Variants in ZFR observed in about 807,000 individuals in gnomAD.
The protein encoded by ZFR is zinc finger RNA binding protein.
In ZFR, 19 loss-of-function variants were observed where a neutral mutation model predicts 130.7. The ratio of observed to expected loss-of-function variants is 0.15; its 90% CI spans 0.10 to 0.21. The LOEUF (loss-of-function observed/expected upper bound fraction) is 0.21. Among genes scored for constraint, ZFR ranks in the 10% least tolerant of loss-of-function variants. The pLI, the probability that ZFR is intolerant of heterozygous loss-of-function variation, is 1.00. For synonymous variants in ZFR, 466 were observed against 456.9 expected, an observed-to-expected ratio of 1.02 and a Z score of -0.25; for missense variants, 872 against 1,321.5, an observed-to-expected ratio of 0.66 and a Z score of 5.27.
At position 32,397,348 on chromosome 5, in the gene ZFR, G is replaced by GA; in HGVS notation, c.1714-11dup. On this transcript the variant is annotated splice_polypyrimidine_tract_variant and intron_variant, in intron 9 of 19. Transcript: ENST00000265069. Reference sequence around the variant, plus strand: ...CTTCATCATTTCGTACCTTGGTGTGGAAAAAAAATTCAAGAATCATCATAG... The same window carrying GA: ...CTTCATCATTTCGTACCTTGGTGTGGAAAAAAAAATTCAAGAATCATCATAG... 5 of 1,599,228 alleles carry GA rather than the reference G, an allele frequency of 3.1e-6. No individual in the cohort carries two copies. The highest frequency in any genetic ancestry group is 3.6e-5 in the Admixed American group (2 of 56,196).
chr5:32,428,520 T>C (rs1754125947), intron 2 of ZFR, among the ~76,000 whole-genome samples: 1 of 152,204 alleles, frequency 6.6e-6, no homozygotes, highest in Admixed American at 6.5e-5. Flanking sequence ...GAGACTTCAG[T>C]GAGCTGTGAC....
chr5:32,383,360 G>A (rs1375835160), intron 15 of ZFR, among the ~76,000 whole-genome samples: 2 of 152,120 alleles, frequency 1.3e-5, no homozygotes, highest in South Asian at 2.1e-4. Context: ...GGCCTGATAA[G>A]CTACAGGTGG....
intron 7 of ZFR, 22 bp downstream of exon 7, chr5:32,403,884 T>G (rs760668721): frequency 1.9e-6 from 3 of 1,554,708 alleles, no homozygotes; most frequent in South Asian, 2.5e-5. Flanking sequence ...GGCATAAGGG[T>G]GTGTGGGAAA....
intron 5 of ZFR, among the ~76,000 whole-genome samples, chr5:32,414,124 C>T (rs1212130896): frequency 2.0e-5 from 3 of 152,198 alleles, no homozygotes; most frequent in African/African-American, 4.8e-5. Flanking sequence ...CATACTCTGG[C>T]ACTTCTAGCC....
intron 15 of ZFR, among the ~76,000 whole-genome samples, chr5:32,384,544 T>C (rs1394986447): frequency 6.6e-6 from 1 of 152,206 alleles, no homozygotes; most frequent in Non-Finnish European, 1.5e-5. Flanking sequence ...TGCTATTTTA[T>C]ACAAATGAAT....
intron 4 of ZFR, among the ~76,000 whole-genome samples, chr5:32,415,515 T>TGTGTGTGTGTGTGTGTGCGCGC (rs1326041688): frequency 1.0e-5 from 1 of 97,936 alleles, no homozygotes; most frequent in African/African-American, 5.1e-5. Flanking sequence ...TGTGTGTGTG[T>TGTGTGTGTGTGTGTGTGCGCGC]GCGCGCGCGC....
At chr5:32,360,435 T>C (rs1752407360) in intron 19 of ZFR, among the ~76,000 whole-genome samples, 1 of 152,198 alleles carries the variant, frequency 6.6e-6, no homozygotes. Flanking sequence ...ATTATGAATA[T>C]TTCATATAAA....
intron 4 of ZFR, among the ~76,000 whole-genome samples, chr5:32,416,018 T>C (rs978039527): frequency 2.0e-5 from 3 of 152,018 alleles, no homozygotes; most frequent in Non-Finnish European, 2.9e-5. Context: ...CAGGCTGAAG[T>C]ATGATGGTGT....
intron 2 of ZFR, among the ~76,000 whole-genome samples, chr5:32,440,932 T>C (rs1754457664): frequency 6.6e-6 from 1 of 152,196 alleles, no homozygotes; most frequent in African/African-American, 2.4e-5. Context: ...TAATCAAATA[T>C]CTTACAGAAC....
At chr5:32,372,947 TTAATA>T (rs1401034041) in intron 17 of ZFR, among the ~76,000 whole-genome samples, 17 of 152,342 alleles carry the variant, frequency 1.1e-4, no homozygotes, top group African/African-American at 4.1e-4. Flanking sequence ...ATAACCATAG[TTAATA>T]AAAATTGAAC....
chr5:32,436,774 C>G (rs1581719285), intron 2 of ZFR, among the ~76,000 whole-genome samples: 1 of 152,128 alleles, frequency 6.6e-6, no homozygotes, highest in Admixed American at 6.5e-5. Context: ...GCCAGGTCCA[C>G]CTTACAAATA....
chr5:32,354,783 A>C lies in ZFR; in HGVS notation c.*977T>G, dbSNP rs1386475833. On this transcript the variant is annotated 3_prime_UTR_variant, in exon 20 of 20. Transcript: ENST00000265069. The stretch of plus-strand genomic sequence containing the variant: ...CACACACCAATAAGGAACTGTCACC[A>C]TAATTAAGGGCTAGTTACTGTTGTT... 4 of 152,636 alleles carry C rather than the reference A, an allele frequency of 2.6e-5. No individual in the cohort carries two copies. Among genetic ancestry groups the C allele is most frequent in the Admixed American group, 6.5e-5 (1 of 15,282 alleles). The allele number at this position is 152,636 out of a possible 1,614,324, so 9.5% of individuals were successfully genotyped here.
chr5:32,380,331 C>G, intron 15 of ZFR, 159 bp from the exon 16 acceptor site: 1 of 501,454 alleles, frequency 2.0e-6, no homozygotes, highest in Non-Finnish European at 3.6e-6. Flanking sequence ...TTTACATAAT[C>G]CAATATGAGG....
At chr5:32,438,344 A>G (rs1438417957) in intron 2 of ZFR, among the ~76,000 whole-genome samples, 2 of 142,802 alleles carry the variant, frequency 1.4e-5, no homozygotes, top group Non-Finnish European at 3.0e-5. Context: ...GCTCACCGCA[A>G]CCTCCACCTC....
chr5:32,412,361 A>G (rs780184946), intron 5 of ZFR, among the ~76,000 whole-genome samples: 1 of 152,260 alleles, frequency 6.6e-6, no homozygotes, highest in Non-Finnish European at 1.5e-5. Flanking sequence ...ACATTCTACA[A>G]GACAACTGGC....
At chr5:32,423,287 C>G (rs564725582) in intron 2 of ZFR, among the ~76,000 whole-genome samples, 6 of 152,030 alleles carry the variant, frequency 3.9e-5, no homozygotes, top group Admixed American at 6.6e-5. Flanking sequence ...GAGCTGAGAT[C>G]ATACCACTGC....
chr5:32,374,364 G>A (rs867064172), intron 17 of ZFR, among the ~76,000 whole-genome samples: 8 of 152,002 alleles, frequency 5.3e-5, no homozygotes, highest in Non-Finnish European at 1.2e-4. Context: ...TCAGCCAGGC[G>A]TGGTGGTGCA....
At chr5:32,379,488 A>AC in intron 16 of ZFR, 1 of 171,624 alleles carries the variant, frequency 5.8e-6, no homozygotes, top group Non-Finnish European at 9.6e-6. Flanking sequence ...AAAACAGTAA[A>AC]CTTAAAAAAA....
chr5:32,437,472 T>C (rs766462737), intron 2 of ZFR, among the ~76,000 whole-genome samples: 5 of 152,198 alleles, frequency 3.3e-5, no homozygotes, highest in Non-Finnish European at 5.9e-5. Context: ...AGCTGTACTG[T>C]ACATGGCTTT....
Sources: allele counts gnomAD v4.1 joint callset (sites outside exome capture counted in the v4.1 genomes callset), GRCh38; gene constraint gnomAD v4.1.1; transcripts MANE v1.5; gene names NCBI Gene and HGNC (gene_info 2026-07-23, HGNC 2026-07-21).